PLEKHA5: variants seen among roughly 807,000 people sequenced by gnomAD.
PLEKHA5 encodes the protein pleckstrin homology domain-containing family A member 5.
PLEKHA5 carries 55 observed loss-of-function variants against 181.9 expected under a neutral mutation model. That is an observed-to-expected ratio of 0.30 (90% CI 0.24 to 0.38). PLEKHA5 has a LOEUF of 0.38. Ranked by LOEUF, PLEKHA5 falls within the 10% of genes least tolerant of loss-of-function variation. PLEKHA5 has a pLI of 1.00. For synonymous variants in PLEKHA5, 535 were observed against 529.4 expected, an observed-to-expected ratio of 1.01 and a Z score of -0.15; for missense variants, 1,432 against 1,549.5, an observed-to-expected ratio of 0.92 and a Z score of 1.27.
intron 11 of PLEKHA5, among the ~76,000 whole-genome samples, chr12:19,281,559 A>G (rs2076151804): frequency 6.6e-6 from 1 of 150,910 alleles, no homozygotes; most frequent in African/African-American, 2.5e-5. Context: ...CCTGGGCAAC[A>G]GAGCAAAACA....
intron 3 of PLEKHA5, among the ~76,000 whole-genome samples, chr12:19,168,966 C>T (rs1453454974): frequency 6.6e-6 from 1 of 152,178 alleles, no homozygotes. Flanking sequence ...TGAGCTTAAT[C>T]ACCTGCCATG....
At chr12:19,201,929 C>T (rs34827495) in intron 3 of PLEKHA5, 7,250 of 318,066 alleles carry the variant, frequency 0.023, 107 homozygotes, top group Middle Eastern at 0.04. Context: ...CTGAACTGTA[C>T]ACTTAACCAT....
chr12:19,317,928 T>A (rs1412908603), intron 16 of PLEKHA5, among the ~76,000 whole-genome samples: 3 of 149,498 alleles, frequency 2.0e-5, no homozygotes, highest in Non-Finnish European at 4.5e-5. Context: ...AACCTTTTTT[T>A]TTTTTTTTTT....
chr12:19,188,919 C>A (rs944579884), intron 3 of PLEKHA5, among the ~76,000 whole-genome samples: 11 of 152,178 alleles, frequency 7.2e-5, no homozygotes, highest in Non-Finnish European at 1.2e-4. Flanking sequence ...TATTATACAC[C>A]AAGACCTCTG....
intron 3 of PLEKHA5, among the ~76,000 whole-genome samples, chr12:19,252,097 CAA>C (rs1295175469): frequency 4.6e-5 from 7 of 151,790 alleles, no homozygotes; most frequent in Non-Finnish European, 1.0e-4. Context: ...TTACAATAGT[CAA>C]TATGGAATTT....
chr12:19,365,481 A>G (rs1283356353), intron 29 of PLEKHA5, among the ~76,000 whole-genome samples: 1 of 152,194 alleles, frequency 6.6e-6, no homozygotes, highest in Non-Finnish European at 1.5e-5. Context: ...TTACATATAA[A>G]TGGCAAAGAA....
intron 3 of PLEKHA5, among the ~76,000 whole-genome samples, chr12:19,252,722 A>AT (rs1444764413): frequency 6.6e-6 from 1 of 151,934 alleles, no homozygotes; most frequent in East Asian, 1.9e-4. Context: ...TTCAGATTTC[A>AT]TTTTTTTCTA....
chr12:19,329,000 G>A (rs1217656712), intron 20 of PLEKHA5, among the ~76,000 whole-genome samples: 2 of 152,044 alleles, frequency 1.3e-5, no homozygotes, highest in African/African-American at 4.8e-5. Context: ...CTATTTTAGG[G>A]CATATTCCTT....
chr12:19,344,092 T>C (rs1016585775), intron 22 of PLEKHA5, among the ~76,000 whole-genome samples: 1 of 152,040 alleles, frequency 6.6e-6, no homozygotes, highest in African/African-American at 2.4e-5. Flanking sequence ...TATAATCTTA[T>C]GGGACCACTG....
At chr12:19,211,386 G>GTGTC (rs1403071695) in intron 3 of PLEKHA5, among the ~76,000 whole-genome samples, 7 of 152,058 alleles carry the variant, frequency 4.6e-5, no homozygotes, top group Non-Finnish European at 8.8e-5. Flanking sequence ...GCAGTCACAA[G>GTGTC]TGTCCTTAGA....
Position 19,359,442 on chromosome 12 carries a change from A to C in PLEKHA5, c.3379A>C (p.Thr1127Pro). Reference protein sequence around the residue: ...TRRRDDKELDTAIRENDVKPD... With the variant: ...TRRRDDKELDPAIRENDVKPD... Reference sequence around the variant, plus strand: ...AAGGAGGGATGATAAGGAACTGGACACTGCCATTAGAGAAAATGATGTAAA... The same window carrying C: ...AAGGAGGGATGATAAGGAACTGGACCCTGCCATTAGAGAAAATGATGTAAA... Residue 1127 changes from threonine to proline, a missense_variant, in exon 28 of 32, where the codon ACT becomes CCT. By Grantham distance (38) the Thr-to-Pro change is conservative (BLOSUM62 -1). Around this residue, in one of 2 missense-constraint regions of PLEKHA5, gnomAD observed 1,143 missense variants for 1,168.4 expected, o/e 0.98. Transcript: ENST00000429027. 1 of 1,613,640 alleles carries C rather than the reference A, an allele frequency of 6.2e-7. No homozygotes were observed. Among genetic ancestry groups the C allele is most frequent in the Non-Finnish European group, 8.5e-7 (1 of 1,179,554 alleles).
At chr12:19,302,948 GT>G (rs1263869178) in intron 15 of PLEKHA5, among the ~76,000 whole-genome samples, 1 of 92,608 alleles carries the variant, frequency 1.1e-5, no homozygotes, top group Non-Finnish European at 1.9e-5. Context: ...TTGAGATGGA[GT>G]CCTGCTCTGT....
At chr12:19,334,829 A>AAAAAAAAAAATATATATATATATAT in intron 20 of PLEKHA5, among the ~76,000 whole-genome samples, 4 of 18,600 alleles carry the variant, frequency 2.2e-4, no homozygotes, top group Non-Finnish European at 2.9e-4. Flanking sequence ...AAAAAAAAAA[A>AAAAAAAAAAATATATATATATATAT]ATATATATAT....
rs1472683572 is a variant in PLEKHA5 at position 19,369,774 on chromosome 12, T to C, written c.3836T>C (p.Phe1279Ser). 2.5e-6 allele frequency: 4 copies of C among 1,607,464 alleles called. No individual in the cohort carries two copies. Among genetic ancestry groups the C allele is most frequent in the Non-Finnish European group, 2.6e-6 (3 of 1,175,002 alleles). The change falls in exon 31 of 32, where the codon TTC (phenylalanine) becomes TCC (serine). Residue 1279 changes from phenylalanine (F) to serine (S), a missense_variant. Coordinates refer to ENST00000429027, the MANE Select transcript of PLEKHA5 (RefSeq NM_001256470.2). ...CCGCAGCTCACAGAAGGATCACATTTCATGTGTGTGTAGTCTTAGAAGAAG... is the reference window on the plus strand; with the variant it reads ...CCGCAGCTCACAGAAGGATCACATTCCATGTGTGTGTAGTCTTAGAAGAAG... ...TQPQLTEGSH[F>S]MCV
chr12:19,370,084 G>C lies in PLEKHA5; in HGVS notation c.*11+286G>C, dbSNP rs572574093. On this transcript the variant is annotated intron_variant, in intron 31 of 31. Coordinates refer to ENST00000429027, the MANE Select transcript of PLEKHA5 (RefSeq NM_001256470.2). ...GTGCCAAGACTTGCAGTGTTGTGCA[G>C]CTGTGCTTCTACTTAATGTTCCTTT... Among the ~76,000 whole-genome samples, 248 of 152,366 alleles carry C rather than the reference G, an allele frequency of 1.6e-3. 4 individuals are homozygous for C. The South Asian group carries it at 0.023, about 14-fold the overall frequency.
chr12:19,222,983 T>C (rs1041166900), intron 3 of PLEKHA5, among the ~76,000 whole-genome samples: 1 of 148,956 alleles, frequency 6.7e-6, no homozygotes, highest in Admixed American at 6.8e-5. Context: ...AAACAATAGA[T>C]GTGAGTGAAA....
chr12:19,145,483 C>T (rs2038686653), intron 3 of PLEKHA5, among the ~76,000 whole-genome samples: 1 of 152,070 alleles, frequency 6.6e-6, no homozygotes, highest in Admixed American at 6.6e-5. Context: ...CATGTACATA[C>T]TTATATATAC....
intron 3 of PLEKHA5, among the ~76,000 whole-genome samples, chr12:19,203,283 T>C (rs943598048): frequency 6.6e-6 from 1 of 152,062 alleles, no homozygotes; most frequent in Non-Finnish European, 1.5e-5. Flanking sequence ...TGTTTTTCTG[T>C]CTGTCTCTTA....
intron 5 of PLEKHA5, among the ~76,000 whole-genome samples, chr12:19,255,988 A>G (rs994141857): frequency 1.3e-5 from 2 of 152,038 alleles, no homozygotes; most frequent in Non-Finnish European, 2.9e-5. Flanking sequence ...AACCACACGT[A>G]ATTATTATCC....
Sources: gnomAD v4.1 joint callset for allele counts (sites outside exome capture counted in the v4.1 genomes callset) on GRCh38, gnomAD v4.1.1 for gene constraint, gnomAD v4.1.1 regional missense constraint, MANE v1.5 for transcripts, NCBI Gene and HGNC (gene_info 2026-07-23, HGNC 2026-07-21) for gene names.